URM1: variants seen among roughly 807,000 people sequenced by gnomAD.
The protein encoded by URM1 is ubiquitin related modifier 1.
URM1 carries 11 observed loss-of-function variants against 17.7 expected under a neutral mutation model. That is an observed-to-expected ratio of 0.62 (90% CI 0.39 to 1.03). URM1 has a LOEUF of 1.03. Among genes scored for constraint, URM1 ranks in the 50% least tolerant of loss-of-function variants. The pLI, the probability that URM1 is intolerant of heterozygous loss-of-function variation, is 0.00. For synonymous variants in URM1, 48 were observed against 50.6 expected (o/e 0.95, Z 0.22); for missense variants, 128 against 129.2 (o/e 0.99, Z 0.04).
At chr9:128,383,591 G>A (rs1833188272) in intron 2 of URM1, among the ~76,000 whole-genome samples, 1 of 152,168 alleles carries the variant, frequency 6.6e-6, no homozygotes, top group African/African-American at 2.4e-5. Context: ...GACCATTCAG[G>A]CCCAGTGGGT....
intron 2 of URM1, among the ~76,000 whole-genome samples, chr9:128,383,634 A>G (rs1397790737): frequency 6.6e-6 from 1 of 152,146 alleles, no homozygotes; most frequent in Non-Finnish European, 1.5e-5. Flanking sequence ...TCTGCTTGGG[A>G]GAAAAGAGCT....
At chr9:128,388,708 T>C (rs1833262451) in intron 3 of URM1, 6 of 986,464 alleles carry the variant, frequency 6.1e-6, no homozygotes, top group Non-Finnish European at 7.2e-6. Context: ...CCCTGCCTTA[T>C]GCCAGGCAGG....
At chr9:128,377,536 G>A (rs1833093673) in intron 1 of URM1, among the ~76,000 whole-genome samples, 1 of 152,168 alleles carries the variant, frequency 6.6e-6, no homozygotes, top group Non-Finnish European at 1.5e-5. Context: ...CAGATGTGGT[G>A]GCTCATGTCT....
chr9:128,384,996 A>G (rs1316935680), intron 2 of URM1, among the ~76,000 whole-genome samples: 1 of 152,208 alleles, frequency 6.6e-6, no homozygotes, highest in Non-Finnish European at 1.5e-5. Context: ...GTGTTGAGTC[A>G]GAGACACATG....
At chr9:128,376,647 C>G (rs552507495) in intron 1 of URM1, among the ~76,000 whole-genome samples, 1 of 151,696 alleles carries the variant, frequency 6.6e-6, no homozygotes, top group Non-Finnish European at 1.5e-5. Flanking sequence ...GGCGACAGAG[C>G]GAGACTCTGT....
chr9:128,389,618 TGG>T, intron 4 of URM1, 46 bp from the exon 5 acceptor site: 1 of 1,611,228 alleles, frequency 6.2e-7, no homozygotes. Context: ...GGGGTGGACC[TGG>T]GAAGGTGGCC....
Position 128,387,686 on chromosome 9 carries a change from C to A in URM1, c.107-130C>A. 1.4e-6 allele frequency: 2 copies of A among 1,445,722 alleles called. No individual in the cohort carries two copies. The highest frequency in any genetic ancestry group is 1.9e-6 in the Non-Finnish European group (2 of 1,065,280). The allele number at this position is 1,445,722 out of a possible 1,614,324, so 89.6% of individuals were successfully genotyped here. A position where few individuals can be genotyped will look rare whatever the true frequency, so the allele number is the denominator to read the frequency against. On this transcript the variant is annotated intron_variant, in intron 2 of 4. Coordinates refer to ENST00000372853, the MANE Select transcript of URM1 (RefSeq NM_030914.4). This position sits in a 1 kb window ranked among gnomAD's most constrained non-coding sequence, Gnocchi z 4.3. ...CCTTTGGAATCTACAAGTTCATGGG[C>A]TATCACAGCCTGGTCTAAAAGAAGC... is the stretch of plus-strand genomic sequence containing the variant.
intron 3 of URM1, chr9:128,388,685 A>C (rs200134724): frequency 0.055 from 54,055 of 986,214 alleles, 1,958 homozygotes; most frequent in East Asian, 0.18. Flanking sequence ...CTGCCTGACC[A>C]AATGTTGACC....
chr9:128,372,492 C>A (rs2131286257), intron 1 of URM1, among the ~76,000 whole-genome samples: 1 of 152,256 alleles, frequency 6.6e-6, no homozygotes, highest in African/African-American at 2.4e-5. Flanking sequence ...GGGCAGCAAG[C>A]CAGACACTGA....
At chr9:128,378,267 G>A (rs1027713002) in intron 2 of URM1, among the ~76,000 whole-genome samples, 161 bp downstream of exon 2, 32 of 152,010 alleles carry the variant, frequency 2.1e-4, no homozygotes, top group Non-Finnish European at 3.2e-4. Context: ...GGCTGGGCCG[G>A]GTGGCTCATG....
Position 128,389,819 on chromosome 9 carries a change from G to A in URM1, c.*85G>A. 3.2e-6 allele frequency: 5 copies of A among 1,574,596 alleles called. No individual in the cohort carries two copies. The highest frequency in any genetic ancestry group is 3.5e-6 in the Non-Finnish European group (4 of 1,154,708). On this transcript the variant is annotated 3_prime_UTR_variant, in exon 5 of 5. Coordinates refer to ENST00000372853, the MANE Select transcript of URM1 (RefSeq NM_030914.4). ...TTGGGCCCTGCTTCCAGGTCTCCCTGTCCCCCTTGCCTGCCTTCTTCCCTG... is the reference window on the plus strand; with the variant it reads ...TTGGGCCCTGCTTCCAGGTCTCCCTATCCCCCTTGCCTGCCTTCTTCCCTG...
rs762339326 is a variant in URM1, at chr9:128,389,558, T to C, written c.238-108T>C. 8 of 1,562,246 alleles carry C rather than the reference T, an allele frequency of 5.1e-6. No homozygotes were observed. The East Asian group carries it at 1.2e-4, about 23-fold the overall frequency. Reference sequence around the variant, plus strand: ...TAGGATACCCATTTTTCTGGTAGAGTCTGTCTCTTCCAGAGCAGCCAGTCC... The same window carrying C: ...TAGGATACCCATTTTTCTGGTAGAGCCTGTCTCTTCCAGAGCAGCCAGTCC... On this transcript the variant is annotated intron_variant, in intron 4 of 4. Coordinates refer to ENST00000372853, the MANE Select transcript of URM1 (RefSeq NM_030914.4).
intron 1 of URM1, among the ~76,000 whole-genome samples, chr9:128,373,052 A>G (rs1437105183): frequency 6.6e-6 from 1 of 152,162 alleles, no homozygotes; most frequent in African/African-American, 2.4e-5. Context: ...AGATGGGGCC[A>G]TTGCTCTCCA....
chr9:128,390,999 A>T lies in URM1; in HGVS notation c.*1265A>T, dbSNP rs1372890247. ...CGTCTGTCCAAGGCTTTGTCCCACC[A>T]GCTGCAGCCAGCAGCCTCAGAACCC... On this transcript the variant is annotated 3_prime_UTR_variant, in exon 5 of 5. Coordinates refer to ENST00000372853, the MANE Select transcript of URM1 (RefSeq NM_030914.4). 5.3e-5 allele frequency: 8 copies of T among 152,326 alleles called. No homozygotes were observed. The allele number at this position is 152,326 out of a possible 1,614,324, so 9.4% of individuals were successfully genotyped here.
At chr9:128,372,576 G>A (rs1421993296) in intron 1 of URM1, among the ~76,000 whole-genome samples, 1 of 152,192 alleles carries the variant, frequency 6.6e-6, no homozygotes, top group Non-Finnish European at 1.5e-5. Flanking sequence ...AGGGGGGTAA[G>A]TCTCATGACT....
intron 1 of URM1, among the ~76,000 whole-genome samples, chr9:128,377,353 T>TC (rs1369420328): frequency 1.3e-5 from 2 of 152,088 alleles, no homozygotes; most frequent in African/African-American, 4.8e-5. Flanking sequence ...ATAACAAGAC[T>TC]CCATCTCTAC....
rs777423194 is a variant in URM1, at chr9:128,378,047, A to T, written c.47A>T (p.Glu16Val). 2 of 1,612,008 alleles carry T rather than the reference A, an allele frequency of 1.2e-6. No individual in the cohort carries two copies. The highest frequency in any genetic ancestry group is 1.7e-6 in the Non-Finnish European group (2 of 1,179,130). Residue 16 changes from glutamate (E) to valine (V), a missense_variant, in exon 2 of 5, where the codon GAG becomes GTG. Glu to Val is a moderately radical substitution (Grantham distance 121, BLOSUM62 -2). Coordinates refer to ENST00000372853, the MANE Select transcript of URM1 (RefSeq NM_030914.4). ...GTCCTCCTTTGCAGAGGTGGTGCGG[A>T]GCTCCTGTTTGACGGTATTAAGAAA... is the stretch of plus-strand genomic sequence containing the variant. The part of the protein sequence containing the change: ...SVEVEFGGGA[E>V]LLFDGIKKHR...
chr9:128,375,974 G>T (rs1338393290), intron 1 of URM1, among the ~76,000 whole-genome samples: 3 of 152,134 alleles, frequency 2.0e-5, no homozygotes, highest in Admixed American at 6.5e-5. Context: ...AGCTCCAAAG[G>T]CTGTGTTCTG....
At chr9:128,382,471 A>G (rs1048830234) in intron 2 of URM1, among the ~76,000 whole-genome samples, 1 of 152,164 alleles carries the variant, frequency 6.6e-6, no homozygotes, top group African/African-American at 2.4e-5. Context: ...AGCAGAAATA[A>G]TAGCAGCCGT....
Sources: allele counts gnomAD v4.1 joint callset (sites outside exome capture counted in the v4.1 genomes callset), GRCh38; gene constraint gnomAD v4.1.1; non-coding constraint Gnocchi (gnomAD v3.1); transcripts MANE v1.5; gene names NCBI Gene and HGNC (gene_info 2026-07-23, HGNC 2026-07-21).